EDC3: variants seen among roughly 807,000 people sequenced by gnomAD.
EDC3 encodes the protein enhancer of mRNA-decapping protein 3.
EDC3 carries 20 observed loss-of-function variants against 41.8 expected under a neutral mutation model. The observed-to-expected ratio is 0.48, with a 90% CI of 0.34 to 0.70. EDC3 has a LOEUF of 0.70. Among genes scored for constraint, EDC3 ranks in the 30% least tolerant of loss-of-function variants. EDC3 has a pLI of 0.01. For missense variants in EDC3, 444 were observed against 636.8 expected, an observed-to-expected ratio of 0.70 and a Z score of 3.26; for synonymous variants, 206 against 243.2, an observed-to-expected ratio of 0.85 and a Z score of 1.42.
At chr15:74,640,792 T>G in intron 4 of EDC3, 173 bp from the exon 5 acceptor site, 2 of 710,328 alleles carry the variant, frequency 2.8e-6, no homozygotes, top group African/African-American at 1.8e-5. Flanking sequence ...AGAGCTCAAG[T>G]AGTGACTGGT....
chr15:74,689,343 GTA>G (rs2062975014), intron 1 of EDC3, among the ~76,000 whole-genome samples: 1 of 152,048 alleles, frequency 6.6e-6, no homozygotes, highest in Non-Finnish European at 1.5e-5. Context: ...AATGGTTTTG[GTA>G]TTTTCTTAAA....
At chr15:74,634,635 A>G (rs2062249548) in intron 6 of EDC3, among the ~76,000 whole-genome samples, 1 of 152,028 alleles carries the variant, frequency 6.6e-6, no homozygotes, top group South Asian at 2.1e-4. Context: ...CTTTGGAGCC[A>G]TTGCCAACTC....
intron 4 of EDC3, among the ~76,000 whole-genome samples, chr15:74,649,060 A>ATTT (rs1184258510): frequency 3.0e-4 from 35 of 115,926 alleles, no homozygotes; most frequent in African/African-American, 5.3e-4. Context: ...ACCCTGGCTA[A>ATTT]TTTTTTTTTT....
intron 1 of EDC3, among the ~76,000 whole-genome samples, chr15:74,675,586 GTT>G (rs772480443): frequency 1.4e-5 from 2 of 139,232 alleles, no homozygotes; most frequent in Non-Finnish European, 1.6e-5. Flanking sequence ...CTGGATAGTT[GTT>G]TTTTTTTTTT....
chr15:74,653,576 T>C (rs1567162987), intron 4 of EDC3, among the ~76,000 whole-genome samples: 1 of 152,166 alleles, frequency 6.6e-6, no homozygotes, highest in Non-Finnish European at 1.5e-5. Flanking sequence ...AAAAACCAGA[T>C]GGCATGAAGC....
At chr15:74,660,833 GT>G (rs908983532) in intron 3 of EDC3, among the ~76,000 whole-genome samples, 40 of 152,218 alleles carry the variant, frequency 2.6e-4, no homozygotes, top group African/African-American at 8.7e-4. Context: ...GAATTTTAAT[GT>G]ATTGATGAAA....
intron 1 of EDC3, among the ~76,000 whole-genome samples, chr15:74,683,314 C>T (rs2062895948): frequency 6.6e-6 from 1 of 152,178 alleles, no homozygotes; most frequent in Non-Finnish European, 1.5e-5. Context: ...GAGGGTGGAT[C>T]ACCTGAGGTC....
chr15:74,666,816 CAA>C (rs1224759468), intron 3 of EDC3, among the ~76,000 whole-genome samples: 1 of 152,126 alleles, frequency 6.6e-6, no homozygotes, highest in Non-Finnish European at 1.5e-5. Context: ...TTTTACAGCA[CAA>C]AGAGTGAGCC....
intron 1 of EDC3, among the ~76,000 whole-genome samples, chr15:74,690,660 T>C (rs1322229970): frequency 6.6e-6 from 1 of 152,076 alleles, no homozygotes; most frequent in Non-Finnish European, 1.5e-5. Context: ...TAAAAGAAAA[T>C]ATGCAACCCA....
rs1463200075 is a variant in EDC3, at chr15:74,635,569, A to G, written c.1032T>C (p.His344=). The G allele has an allele frequency of 1.2e-6, 2 of 1,614,234 alleles. No individual in the cohort carries two copies. The highest frequency in any genetic ancestry group is 1.7e-5 in the Admixed American group (1 of 60,034). The change falls in exon 6 of 7, where the codon CAT becomes CAC. Residue 344 remains histidine, a synonymous_variant. Coordinates refer to ENST00000315127, the MANE Select transcript of EDC3 (RefSeq NM_025083.5). The stretch of plus-strand genomic sequence containing the variant: ...AGCTGATACCCTGAGCCCCCTTCAC[A>G]TGAGGTCCACACAGTAGAGCCACTG... ...RPTVALLCGP[H]VKGAQGISCG...
chr15:74,635,536 C>T lies in EDC3; in HGVS notation c.1065G>A (p.Arg355=). 1.2e-6 allele frequency: 2 copies of T among 1,614,266 alleles called. No homozygotes were observed. The highest frequency in any genetic ancestry group is 2.2e-5 in the East Asian group (1 of 44,892). ...CCTGGACATCATGGTTGGCTAGGTG[C>T]CTTCCACAGCTGATACCCTGAGCCC... ...VKGAQGISCG[R]HLANHDVQVI... Residue 355 remains arginine, a synonymous_variant, in exon 6 of 7, where the codon AGG becomes AGA. Coordinates refer to ENST00000315127, the MANE Select transcript of EDC3 (RefSeq NM_025083.5).
At chr15:74,683,444 A>G (rs535972234) in intron 1 of EDC3, among the ~76,000 whole-genome samples, 1 of 152,354 alleles carries the variant, frequency 6.6e-6, no homozygotes, top group African/African-American at 2.4e-5. Flanking sequence ...CTGAGGCAGG[A>G]GAATCACTTG....
rs908520849 is a variant in EDC3 at position 74,667,429 on chromosome 15, G to C, written c.484+4026C>G. On this transcript the variant is annotated intron_variant, in intron 3 of 6. Coordinates refer to ENST00000315127, the MANE Select transcript of EDC3 (RefSeq NM_025083.5). ...CATCCCTAGTGAAGAAGAAAGAAAGGAGAAGGGGGGAGGAGGGAGGGGGAG... is the reference window on the plus strand; with the variant it reads ...CATCCCTAGTGAAGAAGAAAGAAAGCAGAAGGGGGGAGGAGGGAGGGGGAG... Among the ~76,000 whole-genome samples, 3 of 140,018 alleles carry C rather than the reference G, an allele frequency of 2.1e-5. No individual in the cohort carries two copies. The Admixed American group carries it at 2.2e-4, about 10-fold the overall frequency. 91.9% of individuals were successfully genotyped at this position (140,018 alleles called of 152,430 possible). A position where few individuals can be genotyped will look rare whatever the true frequency, so the allele number is the denominator to read the frequency against.
chr15:74,677,381 G>C (rs2062818625), intron 1 of EDC3, among the ~76,000 whole-genome samples: 1 of 118,090 alleles, frequency 8.5e-6, no homozygotes, highest in African/African-American at 3.4e-5. Flanking sequence ...TTTTTTTTTG[G>C]AGACTGAGTC....
At chr15:74,673,115 T>C (rs2062758141) in intron 2 of EDC3, among the ~76,000 whole-genome samples, 2 of 151,942 alleles carry the variant, frequency 1.3e-5, no homozygotes, top group South Asian at 2.1e-4. Flanking sequence ...GGAAGTAAGG[T>C]TGCAGAGGTA....
At chr15:74,666,864 G>A (rs1014555163) in intron 3 of EDC3, among the ~76,000 whole-genome samples, 1 of 152,096 alleles carries the variant, frequency 6.6e-6, no homozygotes, top group Non-Finnish European at 1.5e-5. Context: ...CATTTAGGAG[G>A]TTAGAAGATC....
rs1265995969 is a variant in EDC3, at chr15:74,635,404, C to T, written c.1192+5G>A. ...CCTTCAGCCCAGCCCTGCCTAAGTG[C>T]TCACCTTTGAGGCTAGACACTTGTT... is the stretch of plus-strand genomic sequence containing the variant. On this transcript the variant is annotated splice_donor_5th_base_variant and intron_variant, in intron 6 of 6. Coordinates refer to ENST00000315127, the MANE Select transcript of EDC3 (RefSeq NM_025083.5). 2 of 1,613,976 alleles carry T rather than the reference C, an allele frequency of 1.2e-6. No individual in the cohort carries two copies. The highest frequency in any genetic ancestry group is 1.7e-6 in the Non-Finnish European group (2 of 1,179,900).
chr15:74,679,606 T>C lies in EDC3; in HGVS notation c.-18-4464A>G, dbSNP rs945017618. On this transcript the variant is annotated intron_variant, in intron 1 of 6. Coordinates refer to ENST00000315127, the MANE Select transcript of EDC3 (RefSeq NM_025083.5). ...ATGAATGTAAACATAAAATTCCTTATCAAAATATCACCCAACAATTCAACA... is the reference window on the plus strand; with the variant it reads ...ATGAATGTAAACATAAAATTCCTTACCAAAATATCACCCAACAATTCAACA... Among the ~76,000 whole-genome samples, 35 of 151,766 alleles carry C rather than the reference T, an allele frequency of 2.3e-4. 2 individuals are homozygous for C. The highest frequency in any genetic ancestry group is 2.9e-5 in the Non-Finnish European group (2 of 67,960).
chr15:74,662,841 A>G (rs1166939873), intron 3 of EDC3, among the ~76,000 whole-genome samples: 1 of 152,208 alleles, frequency 6.6e-6, no homozygotes, highest in Non-Finnish European at 1.5e-5. Flanking sequence ...GGATACAGAC[A>G]CTGCTAAAGA....
Sources: allele counts gnomAD v4.1 joint callset (sites outside exome capture counted in the v4.1 genomes callset), GRCh38; gene constraint gnomAD v4.1.1; transcripts MANE v1.5; gene names NCBI Gene and HGNC (gene_info 2026-07-23, HGNC 2026-07-21).